The following GALNT13 variants were observed in gnomAD, a reference collection of about 807,000 sequenced individuals.
GALNT13 encodes the protein UDP-GalNAc:polypeptide N-acetylgalactosaminyltransferase 13.
GALNT13 carries 28 observed loss-of-function variants against 64.2 expected under a neutral mutation model. The ratio of observed to expected loss-of-function variants is 0.44; its 90% CI spans 0.32 to 0.60. The LOEUF (loss-of-function observed/expected upper bound fraction) is 0.60, where lower values mean the gene tolerates loss of function less well. Ranked by LOEUF, GALNT13 falls within the 20% of genes least tolerant of loss-of-function variation. GALNT13 has a pLI of 0.05. For synonymous variants in GALNT13, 214 were observed against 224.6 expected (o/e 0.95, Z 0.42); for missense variants, 577 against 669.8 (o/e 0.86, Z 1.53).
chr2:153,772,753 A>C, the GALNT13 span, among the ~76,000 whole-genome samples: 3 of 152,290 alleles, frequency 2.0e-5, no homozygotes, highest in South Asian at 6.2e-4. Context: ...ATTCGTAGAG[A>C]CAGCCACTCC....
At chr2:153,285,961 A>C in the GALNT13 span, among the ~76,000 whole-genome samples, 3 of 152,150 alleles carry the variant, frequency 2.0e-5, no homozygotes, top group African/African-American at 7.2e-5. Context: ...TATGAAACAC[A>C]AGAGAATAAA....
chr2:154,338,844 G>C (rs1337470752), intron 9 of GALNT13, among the ~76,000 whole-genome samples: 3 of 151,988 alleles, frequency 2.0e-5, no homozygotes, highest in African/African-American at 7.2e-5. Context: ...TGAAAGGCAG[G>C]CTCCCTCATG....
the GALNT13 span, among the ~76,000 whole-genome samples, chr2:153,258,049 C>T: frequency 6.6e-6 from 1 of 152,116 alleles, no homozygotes; most frequent in Non-Finnish European, 1.5e-5. Flanking sequence ...ATTTACCCAA[C>T]TCATAGGTAT....
intron 3 of GALNT13, among the ~76,000 whole-genome samples, chr2:153,950,203 G>A (rs1692073673): frequency 1.3e-5 from 2 of 151,636 alleles, no homozygotes; most frequent in South Asian, 2.1e-4. Context: ...TATTAAGTAC[G>A]TATAAGTAAC....
the GALNT13 span, among the ~76,000 whole-genome samples, chr2:153,347,172 C>T: frequency 6.6e-6 from 1 of 152,182 alleles, no homozygotes; most frequent in Non-Finnish European, 1.5e-5. Flanking sequence ...TTGCATTGGG[C>T]ATAAAAGCCC....
chr2:154,321,918 C>G (rs1694643228), intron 9 of GALNT13, among the ~76,000 whole-genome samples: 3 of 151,866 alleles, frequency 2.0e-5, no homozygotes, highest in Admixed American at 6.6e-5. Flanking sequence ...GGTGATGTTT[C>G]TTAACCTGGG....
At chr2:153,119,440 T>C in the GALNT13 span, among the ~76,000 whole-genome samples, 1 of 152,302 alleles carries the variant, frequency 6.6e-6, no homozygotes, top group East Asian at 1.9e-4. Context: ...GATTTATTTA[T>C]TGAAAAGTAG....
the GALNT13 span, among the ~76,000 whole-genome samples, chr2:153,374,512 A>G: frequency 0.4 from 60,562 of 151,876 alleles, 12,497 homozygotes; most frequent in Non-Finnish European, 0.44. Context: ...AAAATACTCA[A>G]TCTGATGTTT....
the GALNT13 span, among the ~76,000 whole-genome samples, chr2:153,761,250 A>G: frequency 6.6e-6 from 1 of 152,156 alleles, no homozygotes; most frequent in Non-Finnish European, 1.5e-5. Flanking sequence ...GTAAGAACCT[A>G]CTACTACCAT....
the GALNT13 span, among the ~76,000 whole-genome samples, chr2:153,667,950 A>C: frequency 1.3e-5 from 2 of 152,156 alleles, no homozygotes; most frequent in Non-Finnish European, 2.9e-5. Context: ...AAAGGAAAAC[A>C]AAAAAAGCAG....
intron 4 of GALNT13, among the ~76,000 whole-genome samples, chr2:154,170,847 C>T (rs1685308118): frequency 1.3e-5 from 2 of 151,820 alleles, no homozygotes; most frequent in Non-Finnish European, 2.9e-5. Flanking sequence ...TATCCAGTGC[C>T]AATAATAAAA....
At chr2:154,370,234 C>G (rs545300144) in intron 9 of GALNT13, among the ~76,000 whole-genome samples, 1 of 152,166 alleles carries the variant, frequency 6.6e-6, no homozygotes, top group South Asian at 2.1e-4. Context: ...GGGAACAGAT[C>G]TTGAAGGTCT....
intron 12 of GALNT13, among the ~76,000 whole-genome samples, chr2:154,442,420 A>G (rs570160391): frequency 7.9e-5 from 12 of 152,170 alleles, no homozygotes; most frequent in Admixed American, 2.0e-4. Context: ...CACGAATTCA[A>G]TTCACTGTCA....
the GALNT13 span, among the ~76,000 whole-genome samples, chr2:153,625,464 A>C: frequency 6.6e-6 from 1 of 152,104 alleles, no homozygotes; most frequent in Admixed American, 6.6e-5. Flanking sequence ...TTGGGCTCCT[A>C]TTATTGACAG....
chr2:153,413,956 G>C, the GALNT13 span, among the ~76,000 whole-genome samples: 495 of 152,128 alleles, frequency 3.3e-3, 1 homozygote, highest in Non-Finnish European at 5.1e-3. Flanking sequence ...TACATCCTAT[G>C]ACTATTCTAA....
At chr2:154,026,525 G>T (rs1000411774) in intron 3 of GALNT13, among the ~76,000 whole-genome samples, 1 of 152,152 alleles carries the variant, frequency 6.6e-6, no homozygotes, top group African/African-American at 2.4e-5. Context: ...TTAGGATCTG[G>T]AAGTCTGAGA....
At chr2:153,319,338 G>C in the GALNT13 span, among the ~76,000 whole-genome samples, 1 of 152,170 alleles carries the variant, frequency 6.6e-6, no homozygotes, top group Non-Finnish European at 1.5e-5. Flanking sequence ...GCAGTGCCAT[G>C]ATCATGGCTC....
the GALNT13 span, among the ~76,000 whole-genome samples, chr2:153,371,255 T>C: frequency 6.6e-6 from 1 of 152,186 alleles, no homozygotes; most frequent in East Asian, 1.9e-4. Flanking sequence ...ACACTAAACG[T>C]TTTCCCTCTA....
At chr2:154,254,426 A>G (rs1455630472) in intron 7 of GALNT13, among the ~76,000 whole-genome samples, 2 of 152,142 alleles carry the variant, frequency 1.3e-5, no homozygotes, top group South Asian at 2.1e-4. Context: ...TAATCTGGCT[A>G]TGGTTTTTAG....
Sources: allele counts gnomAD v4.1 joint callset (sites outside exome capture counted in the v4.1 genomes callset), GRCh38; gene constraint gnomAD v4.1.1; transcripts MANE v1.5; gene names NCBI Gene and HGNC (gene_info 2026-07-23, HGNC 2026-07-21).